PIAS1: variants seen among roughly 807,000 people sequenced by gnomAD.
PIAS1 encodes the protein E3 SUMO-protein ligase PIAS1.
PIAS1 carries 6 observed loss-of-function variants against 71.3 expected under a neutral mutation model. The observed-to-expected ratio is 0.08, with a 90% confidence interval of 0.05 to 0.17. The LOEUF is 0.17. PIAS1 is among the 10% of genes least tolerant of loss of function. The pLI is 1.00. For synonymous variants in PIAS1, 303 were observed against 292.9 expected (o/e 1.03, Z -0.35); for missense variants, 555 against 793.6 (o/e 0.70, Z 3.61).
At chr15:68,139,805 T>C (rs983438811) in intron 2 of PIAS1, among the ~76,000 whole-genome samples, 8 of 152,212 alleles carry the variant, frequency 5.3e-5, no homozygotes, top group Admixed American at 3.3e-4. Context: ...CTGTGGATTG[T>C]CTTTTGTACC....
At chr15:68,166,857 A>C (rs1431250176) in intron 8 of PIAS1, among the ~76,000 whole-genome samples, 3 of 152,016 alleles carry the variant, frequency 2.0e-5, no homozygotes, top group Admixed American at 1.3e-4. Flanking sequence ...ACGGGGTTTC[A>C]CTTTGTCACC....
intron 1 of PIAS1, among the ~76,000 whole-genome samples, chr15:68,076,399 C>T (rs1375636231): frequency 2.0e-5 from 3 of 151,844 alleles, no homozygotes; most frequent in Non-Finnish European, 4.4e-5. Flanking sequence ...CCCAGCTACT[C>T]GGGAGGCTGA....
At chr15:68,104,024 AG>A (rs2092449781) in intron 2 of PIAS1, among the ~76,000 whole-genome samples, 1 of 152,210 alleles carries the variant, frequency 6.6e-6, no homozygotes, top group African/African-American at 2.4e-5. Context: ...TGTTTTCTAA[AG>A]CAGCTGTACC....
chr15:68,080,169 A>G (rs566542490), intron 1 of PIAS1, among the ~76,000 whole-genome samples: 4 of 152,164 alleles, frequency 2.6e-5, no homozygotes, highest in Non-Finnish European at 5.9e-5. Flanking sequence ...ATCGTCCAGA[A>G]GGAGCTTTTT....
intron 2 of PIAS1, among the ~76,000 whole-genome samples, chr15:68,114,559 A>G (rs1006169270): frequency 6.6e-6 from 1 of 152,226 alleles, no homozygotes; most frequent in East Asian, 1.9e-4. Context: ...CTTTAGTTTC[A>G]CTTTCCCTAA....
At position 68,187,814 on chromosome 15, in the gene PIAS1, A is replaced by G; in HGVS notation, c.1935A>G (p.Pro645=). The G allele has an allele frequency of 6.2e-7, 1 of 1,613,600 alleles. No homozygotes were observed. The highest frequency in any genetic ancestry group is 8.5e-7 in the Non-Finnish European group (1 of 1,179,778). ...TDTASIFGII[P]DIISLD ...CGGCATCCATCTTTGGCATCATACC[A>G]GACATTATTTCATTGGACTGATTCC... Residue 645 remains proline (P), a synonymous_variant, in exon 14 of 14, where the codon CCA becomes CCG. Transcript: ENST00000249636. This position sits in a 1 kb window ranked among gnomAD's most constrained non-coding sequence, Gnocchi z 5.3.
rs1323691102 is a variant in PIAS1, at chr15:68,153,597, C to G, written c.836C>G (p.Ser279Cys). The change falls in exon 7 of 14, where the codon TCC becomes TGC. Residue 279 changes from serine (S) to cysteine (C), a missense_variant. Physicochemically the swap from Ser to Cys is moderately radical, Grantham distance 112. Transcript: ENST00000249636. ...SWTAEIGRNY[S>C]MAVYLVKQLS... Reference sequence around the variant, plus strand: ...ACTTCTTTTTTTTTCCAGAACTATTCCATGGCAGTATATCTTGTAAAACAG... The same window carrying G: ...ACTTCTTTTTTTTTCCAGAACTATTGCATGGCAGTATATCTTGTAAAACAG... 6.7e-7 allele frequency: 1 copy of G among 1,496,868 alleles called. No individual in the cohort carries two copies. Among genetic ancestry groups the G allele is most frequent in the Non-Finnish European group, 9.3e-7 (1 of 1,080,152 alleles). The allele number at this position is 1,496,868 out of a possible 1,614,324, so 92.7% of individuals were successfully genotyped here. A position where few individuals can be genotyped will look rare whatever the true frequency, so the allele number is the denominator to read the frequency against.
In PIAS1 at chr15:68,174,019, A is replaced by AT. The variant is rs763235296; in HGVS notation, c.1169+128dup. ...AGGATTTTTGTGAGTCTGCAAACCA[A>AT]TATTTTCAAAGTAATTTATTTCAAA... On this transcript the variant is annotated intron_variant, in intron 9 of 13. Transcript: ENST00000249636. This position sits in a 1 kb window ranked among gnomAD's most constrained non-coding sequence, Gnocchi z 4.0. 6 of 478,744 alleles carry AT rather than the reference A, an allele frequency of 1.3e-5. No homozygotes were observed. The highest frequency in any genetic ancestry group is 2.1e-5 in the Non-Finnish European group (6 of 285,510). The allele number at this position is 478,744 out of a possible 1,614,324, so 29.7% of individuals were successfully genotyped here.
At chr15:68,069,192 C>G (rs1239927035) in intron 1 of PIAS1, among the ~76,000 whole-genome samples, 1 of 152,110 alleles carries the variant, frequency 6.6e-6, no homozygotes, top group Non-Finnish European at 1.5e-5. Flanking sequence ...CCGCACCCGG[C>G]CTTGTCCATT....
At chr15:68,080,274 C>T (rs2092216552) in intron 1 of PIAS1, among the ~76,000 whole-genome samples, 1 of 152,164 alleles carries the variant, frequency 6.6e-6, no homozygotes, top group Non-Finnish European at 1.5e-5. Flanking sequence ...ACCATTTCAA[C>T]AGTGTTTATA....
intron 2 of PIAS1, among the ~76,000 whole-genome samples, chr15:68,108,544 A>C (rs1283538104): frequency 6.6e-6 from 1 of 152,160 alleles, no homozygotes; most frequent in East Asian, 1.9e-4. Context: ...TTAAACACTG[A>C]GGACCCTAAA....
intron 2 of PIAS1, among the ~76,000 whole-genome samples, chr15:68,137,649 A>G (rs913604251): frequency 1.3e-5 from 2 of 152,124 alleles, no homozygotes; most frequent in Admixed American, 6.6e-5. Context: ...TTTTCTACTT[A>G]CAAATTTGAA....
At chr15:68,078,567 T>C (rs1487789973) in intron 1 of PIAS1, among the ~76,000 whole-genome samples, 1 of 152,322 alleles carries the variant, frequency 6.6e-6, no homozygotes, top group South Asian at 2.1e-4. Context: ...TTCCTGTCCG[T>C]GTCTCAGTGT....
At chr15:68,109,870 G>A (rs8036141) in intron 2 of PIAS1, among the ~76,000 whole-genome samples, 1,648 of 152,312 alleles carry the variant, frequency 0.011, 30 homozygotes, top group African/African-American at 0.035. Flanking sequence ...ACTCACTTTT[G>A]TATACCATTG....
intron 2 of PIAS1, among the ~76,000 whole-genome samples, chr15:68,127,118 G>A (rs1300660145): frequency 1.3e-5 from 2 of 151,586 alleles, no homozygotes; most frequent in Non-Finnish European, 2.9e-5. Flanking sequence ...TAGGGATGGG[G>A]TTTCACTATG....
intron 2 of PIAS1, among the ~76,000 whole-genome samples, chr15:68,095,467 T>TA (rs900566110): frequency 9.3e-5 from 14 of 151,242 alleles, no homozygotes; most frequent in African/African-American, 1.5e-4. Context: ...TTCTTTCTTT[T>TA]AAAAAAAAGA....
intron 2 of PIAS1, among the ~76,000 whole-genome samples, chr15:68,093,479 A>T (rs1341437368): frequency 6.6e-6 from 1 of 152,236 alleles, no homozygotes; most frequent in Non-Finnish European, 1.5e-5. Flanking sequence ...GCATCAGTTA[A>T]TCATAATATC....
intron 1 of PIAS1, among the ~76,000 whole-genome samples, chr15:68,076,123 A>G: frequency 6.6e-6 from 1 of 152,096 alleles, no homozygotes; most frequent in East Asian, 1.9e-4. Context: ...TCTTTTTAAA[A>G]ACTTGTTTCT....
intron 1 of PIAS1, among the ~76,000 whole-genome samples, chr15:68,077,994 A>T (rs1474908689): frequency 6.6e-6 from 1 of 152,158 alleles, no homozygotes; most frequent in African/African-American, 2.4e-5. Context: ...GCTTTCTCTC[A>T]GATAGGGTAT....
Sources: allele counts gnomAD v4.1 joint callset (sites outside exome capture counted in the v4.1 genomes callset), GRCh38; gene constraint gnomAD v4.1.1; non-coding constraint Gnocchi (gnomAD v3.1); transcripts MANE v1.5; gene names NCBI Gene and HGNC (gene_info 2026-07-23, HGNC 2026-07-21).